FBXL5: variants seen among roughly 807,000 people sequenced by gnomAD.
The protein encoded by FBXL5 is F-box/LRR-repeat protein 5.
Under a neutral mutation model 78.3 loss-of-function variants are expected in FBXL5, and 26 were observed. That is an observed-to-expected ratio of 0.33 (90% CI 0.24 to 0.46). The LOEUF (loss-of-function observed/expected upper bound fraction) is 0.46. FBXL5 is among the 20% of genes least tolerant of loss of function. The probability of loss-of-function intolerance (pLI) is 1.00; values close to 1 mark genes in which losing one functional copy is unlikely to be tolerated. For missense variants in FBXL5, 710 were observed against 829.2 expected (o/e 0.86, Z 1.77); for synonymous variants, 295 against 282.5 (o/e 1.04, Z -0.45).
At chr4:15,612,046 C>A (rs1298071926) in intron 10 of FBXL5, 1 of 398,260 alleles carries the variant, frequency 2.5e-6, no homozygotes, top group African/African-American at 2.1e-5. Flanking sequence ...AAATCTGACA[C>A]AATGGATATT....
At chr4:15,611,954 A>G (rs939303369) in intron 10 of FBXL5, 3 of 197,864 alleles carry the variant, frequency 1.5e-5, no homozygotes, top group African/African-American at 7.0e-5. Flanking sequence ...ACAAAACTCT[A>G]GAGGAATACC....
chr4:15,628,709 G>T (rs1486758250), intron 6 of FBXL5, among the ~76,000 whole-genome samples: 3 of 150,940 alleles, frequency 2.0e-5, no homozygotes, highest in Non-Finnish European at 3.0e-5. Flanking sequence ...TCAACTAAAA[G>T]AATTTGTTAC....
intron 1 of FBXL5, among the ~76,000 whole-genome samples, chr4:15,677,238 G>A (rs1718027513): frequency 6.6e-6 from 1 of 152,102 alleles, no homozygotes. Context: ...GGGTATATAT[G>A]TTCGTCTTAT....
At chr4:15,679,766 TAA>T (rs553579071) in intron 1 of FBXL5, among the ~76,000 whole-genome samples, 4 of 142,780 alleles carry the variant, frequency 2.8e-5, no homozygotes, top group Non-Finnish European at 1.5e-5. Flanking sequence ...CCAATCCCCC[TAA>T]AAAAAAAAAA....
At chr4:15,656,065 G>A (rs543896718), upstream of FBXL5, among the ~76,000 whole-genome samples, 61 of 152,370 alleles carry the variant, frequency 4.0e-4, no homozygotes, top group African/African-American at 1.4e-3. Flanking sequence ...GGGGATCCAG[G>A]TGCGGAAATG....
At chr4:15,643,194 T>C (rs1332924775) in intron 2 of FBXL5, among the ~76,000 whole-genome samples, 2 of 152,182 alleles carry the variant, frequency 1.3e-5, no homozygotes, top group African/African-American at 4.8e-5. Flanking sequence ...AAGTAGCTAC[T>C]AAGTATTCTT....
At position 15,625,684 on chromosome 4, in the gene FBXL5, T is replaced by C; in HGVS notation, c.1418A>G (p.Asn473Ser). 1 of 1,614,206 alleles carries C rather than the reference T, an allele frequency of 6.2e-7. No homozygotes were observed. Among genetic ancestry groups the C allele is most frequent in the Non-Finnish European group, 8.5e-7 (1 of 1,180,034 alleles). Residue 473 changes from asparagine to serine, a missense_variant, in exon 9 of 11, where the codon AAT becomes AGT. Coordinates refer to ENST00000341285, the MANE Select transcript of FBXL5 (RefSeq NM_012161.4). ...HPWTKPVSSE[N>S]FTSPYVWMLD... ...CATCCACACATAAGGAGAAGTGAAA[T>C]TCTCAGAAGAAACAGGCTTAGTCCA...
upstream of FBXL5, chr4:15,656,124 G>T (rs1230911327): frequency 1.3e-4 from 57 of 454,622 alleles, no homozygotes; most frequent in South Asian, 5.4e-4. Flanking sequence ...ACGGGCCTTG[G>T]GGGTGGGGAG....
chr4:15,638,792 A>T lies in FBXL5; in HGVS notation c.397-98T>A, dbSNP rs920090488. 8.6e-6 allele frequency: 6 copies of T among 695,168 alleles called. No homozygotes were observed. In the African/African-American group the frequency reaches 1.2e-4, roughly 14 times the overall value. 43.1% of individuals were successfully genotyped at this position (695,168 alleles called of 1,614,324 possible). On this transcript the variant is annotated intron_variant, in intron 3 of 10. Transcript: ENST00000341285. ...TTAATGGCTCGAATGTCGTATTATG[A>T]CCATATATCTCAAAAAGATAAAAAT...
chr4:15,623,854 G>C (rs113978685), intron 9 of FBXL5, among the ~76,000 whole-genome samples: 2,458 of 149,788 alleles, frequency 0.016, 70 homozygotes, highest in African/African-American at 0.057. Context: ...ACGGAATTTC[G>C]CTCTGTCGCC....
Position 15,625,892 on chromosome 4 carries a change from T to C in FBXL5, c.1210A>G (p.Ile404Val). 1 of 1,614,088 alleles carries C rather than the reference T, an allele frequency of 6.2e-7. No homozygotes were observed. Among genetic ancestry groups the C allele is most frequent in the Non-Finnish European group, 8.5e-7 (1 of 1,180,010 alleles). Residue 404 changes from isoleucine to valine, a missense_variant, in exon 9 of 11, where the codon ATT (isoleucine) becomes GTT (valine). Physicochemically the swap from Ile to Val is conservative, Grantham distance 29. Coordinates refer to ENST00000341285, the MANE Select transcript of FBXL5 (RefSeq NM_012161.4). ...GTCAGAATTCCAAGAGCTCTGGAAA[T>C]CTTCTCTAGGGCCACATCTGTGATT... ...EKITDVALEK[I>V]SRALGILTSH...
At chr4:15,654,089 T>A (rs962528825) in intron 1 of FBXL5, among the ~76,000 whole-genome samples, 3 of 152,134 alleles carry the variant, frequency 2.0e-5, no homozygotes, top group African/African-American at 7.2e-5. Context: ...TGGTCTTGAG[T>A]GTGGCCTAAC....
intron 1 of FBXL5, among the ~76,000 whole-genome samples, chr4:15,675,817 A>T (rs891836658): frequency 2.6e-5 from 4 of 151,982 alleles, no homozygotes; most frequent in Admixed American, 6.6e-5. Flanking sequence ...TCCTGACCTC[A>T]GATGATCCGC....
In FBXL5 at chr4:15,605,711, A is replaced by C. The variant is rs1721838849; in HGVS notation, c.*12T>G. ...CAGCTAAATGAAGTAGACAAAGATC[A>C]GAAGTCAAGGGTCATTCGCCAGAGC... On this transcript the variant is annotated 3_prime_UTR_variant, in exon 11 of 11. Coordinates refer to ENST00000341285, the MANE Select transcript of FBXL5 (RefSeq NM_012161.4). 1.2e-6 allele frequency: 2 copies of C among 1,612,222 alleles called. No homozygotes were observed. The highest frequency in any genetic ancestry group is 1.7e-6 in the Non-Finnish European group (2 of 1,178,664).
rs984906718 is a variant in FBXL5 at position 15,650,855 on chromosome 4, A to C, written c.84+4349T>G. On this transcript the variant is annotated intron_variant, in intron 1 of 10. Coordinates refer to ENST00000341285, the MANE Select transcript of FBXL5 (RefSeq NM_012161.4). Reference sequence around the variant, plus strand: ...ACCATCTTGGCCAGGCTGGTCTTGAACTCCTGACCTCATGATCCACCTGCC... The same window carrying C: ...ACCATCTTGGCCAGGCTGGTCTTGACCTCCTGACCTCATGATCCACCTGCC... Among the ~76,000 whole-genome samples the C allele has an allele frequency of 1.8e-4, 27 of 150,022 alleles. 1 individual carries two copies. The highest frequency in any genetic ancestry group is 6.4e-4 in the African/African-American group (26 of 40,740).
intron 2 of FBXL5, among the ~76,000 whole-genome samples, chr4:15,643,512 G>T (rs1715096288): frequency 1.3e-5 from 2 of 152,188 alleles, no homozygotes; most frequent in African/African-American, 4.8e-5. Flanking sequence ...CCGCCTCCCA[G>T]GTTCAAGCAA....
chr4:15,675,034 GA>G lies in FBXL5; in HGVS notation c.-284+6348del, dbSNP rs908191527. ...TTCCCATCAGTTCACTAGGAATCACGAAAAAAAAAGCAGTGGGCCTGCCACT... is the reference window on the plus strand; with the variant it reads ...TTCCCATCAGTTCACTAGGAATCACGAAAAAAAAGCAGTGGGCCTGCCACT... On this transcript the variant is annotated intron_variant, in intron 1 of 4. Coordinates refer to the FBXL5 transcript ENST00000507899. Among the ~76,000 whole-genome samples, 11 of 149,532 alleles carry G rather than the reference GA, an allele frequency of 7.4e-5. No individual in the cohort carries two copies. The East Asian group carries it at 1.8e-3, about 24-fold the overall frequency.
chr4:15,630,932 A>G (rs932800192), intron 5 of FBXL5, 141 bp from the exon 6 acceptor site: 35 of 1,051,866 alleles, frequency 3.3e-5, no homozygotes, highest in Middle Eastern at 4.4e-4. Context: ...TTTTTTTTTA[A>G]TACTTTTAAG....
At chr4:15,677,754 T>C (rs945589703) in intron 1 of FBXL5, among the ~76,000 whole-genome samples, 6 of 152,196 alleles carry the variant, frequency 3.9e-5, no homozygotes, top group Non-Finnish European at 5.9e-5. Context: ...AAAATTGTAG[T>C]AGTAAATATA....
Sources: gnomAD v4.1 joint callset for allele counts (sites outside exome capture counted in the v4.1 genomes callset) on GRCh38, gnomAD v4.1.1 for gene constraint, MANE v1.5 for transcripts, NCBI Gene and HGNC (gene_info 2026-07-23, HGNC 2026-07-21) for gene names.